Variants in ZNF780B observed in about 807,000 individuals in gnomAD.
ZNF780B encodes zinc finger protein 779.
ZNF780B carries 52 observed loss-of-function variants against 74.1 expected under a neutral mutation model. That is an observed-to-expected ratio of 0.70 (90% confidence interval 0.56 to 0.88). ZNF780B has a LOEUF of 0.88. ZNF780B is among the 40% of genes least tolerant of loss of function. The pLI is 0.00. For missense variants in ZNF780B, 953 were observed against 1,007.6 expected (o/e 0.95, Z 0.73); for synonymous variants, 315 against 324.3 (o/e 0.97, Z 0.31).
In ZNF780B at chr19:40,033,145, T is replaced by C. The variant is rs1972070079; in HGVS notation, c.*1212A>G. On this transcript the variant is annotated 3_prime_UTR_variant, in exon 5 of 5. Transcript: ENST00000434248. ...ATTACACTAGTAACAATTACACTAG[T>C]AATCAAAAAACACTGGTCACAGATC... The C allele has an allele frequency of 6.5e-6, 1 of 152,862 alleles. No homozygotes were observed. Among genetic ancestry groups the C allele is most frequent in the African/African-American group, 2.4e-5 (1 of 41,470 alleles). 9.5% of individuals were successfully genotyped at this position (152,862 alleles called of 1,614,324 possible).
rs944692000 is a variant in ZNF780B, at chr19:40,050,419, G to A, written c.-45-42C>T. 2.0e-6 allele frequency: 3 copies of A among 1,509,268 alleles called. No individual in the cohort carries two copies. In the African/African-American group the frequency reaches 4.1e-5, roughly 21 times the overall value. The allele number at this position is 1,509,268 out of a possible 1,614,324, so 93.5% of individuals were successfully genotyped here. A position where few individuals can be genotyped will look rare whatever the true frequency, so the allele number is the denominator to read the frequency against. ...ACAAAAAGGCCCTAAGTCAAGCTGT[G>A]TCCGAAAGCACTAGAACGAATAAAT... is the stretch of plus-strand genomic sequence containing the variant. On this transcript the variant is annotated intron_variant, in intron 1 of 4. Coordinates refer to ENST00000434248, the MANE Select transcript of ZNF780B (RefSeq NM_001005851.3).
chr19:40,028,984 C>T lies in ZNF780B; in HGVS notation c.*5373G>A, dbSNP rs1462846724. On this transcript the variant is annotated 3_prime_UTR_variant, in exon 5 of 5. Coordinates refer to ENST00000434248, the MANE Select transcript of ZNF780B (RefSeq NM_001005851.3). Reference sequence around the variant, plus strand: ...ATTCTAGATAGTCACAGCCAACTATCAATAAAAATTACTGGTTCTATAATC... The same window carrying T: ...ATTCTAGATAGTCACAGCCAACTATTAATAAAAATTACTGGTTCTATAATC... The T allele has an allele frequency of 6.6e-6, 1 of 152,172 alleles. No homozygotes were observed. The highest frequency in any genetic ancestry group is 1.5e-5 in the Non-Finnish European group (1 of 68,026). 9.4% of individuals were successfully genotyped at this position (152,172 alleles called of 1,614,324 possible). A position where few individuals can be genotyped will look rare whatever the true frequency, so the allele number is the denominator to read the frequency against.
At chr19:40,041,359 G>A (rs1972625899) in intron 4 of ZNF780B, among the ~76,000 whole-genome samples, 1 of 152,190 alleles carries the variant, frequency 6.6e-6, no homozygotes, top group Non-Finnish European at 1.5e-5. Context: ...GTGTGGTGTG[G>A]TGCTGAAAAG....
In ZNF780B at chr19:40,035,217, C is replaced by G. The variant is rs1400631506; in HGVS notation, c.1642G>C (p.Glu548Gln). The G allele has an allele frequency of 6.2e-7, 1 of 1,613,226 alleles. No homozygotes were observed. Among genetic ancestry groups the G allele is most frequent in the African/African-American group, 1.3e-5 (1 of 74,690 alleles). ...FRLHLQLSQH[E>Q]KTHTGEKPFE... The stretch of plus-strand genomic sequence containing the variant: ...GGTTTCTCACCTGTATGAGTTTTCT[C>G]ATGTTGAGAAAGTTGTAGGTGAAGT... Residue 548 changes from glutamate to glutamine, a missense_variant, in exon 5 of 5, where the codon GAG becomes CAG. By Grantham distance (29) the Glu-to-Gln change is conservative. Transcript: ENST00000434248.
intron 4 of ZNF780B, among the ~76,000 whole-genome samples, chr19:40,045,408 T>C (rs1179156736): frequency 2.6e-5 from 4 of 152,156 alleles, no homozygotes; most frequent in Non-Finnish European, 4.4e-5. Flanking sequence ...GAAAACAGCA[T>C]GCAGATTTCT....
At chr19:40,037,184 G>A (rs1451200500) in intron 4 of ZNF780B, among the ~76,000 whole-genome samples, 1 of 151,272 alleles carries the variant, frequency 6.6e-6, no homozygotes, top group Non-Finnish European at 1.5e-5. Flanking sequence ...CAAAGTGCTG[G>A]GATTACAGGT....
chr19:40,040,715 T>A (rs1171825902), intron 4 of ZNF780B, among the ~76,000 whole-genome samples: 3 of 152,218 alleles, frequency 2.0e-5, no homozygotes, highest in Admixed American at 6.5e-5. Context: ...TTTGTAGTAT[T>A]CTCTGATGGT....
chr19:40,044,630 A>G (rs116923422), intron 4 of ZNF780B, among the ~76,000 whole-genome samples: 68 of 152,370 alleles, frequency 4.5e-4, no homozygotes, highest in Non-Finnish European at 8.4e-4. Context: ...AGAGTCCTAC[A>G]CCTAGAAGTG....
chr19:40,047,514 A>T (rs761130654), intron 3 of ZNF780B, 44 bp from the exon 4 acceptor site: 7 of 1,444,056 alleles, frequency 4.8e-6, no homozygotes, highest in Non-Finnish European at 6.5e-6. Context: ...TTAATATAAA[A>T]ATTTTTTTTA....
chr19:40,041,932 A>G lies in ZNF780B; in HGVS notation c.233-5306T>C, dbSNP rs542459970. On this transcript the variant is annotated intron_variant, in intron 4 of 4. Transcript: ENST00000434248. Reference sequence around the variant, plus strand: ...TTTAAAGTTAATATTGTTATGTGTGAATTTGGTCCTGTAATTATGATGTTA... The same window carrying G: ...TTTAAAGTTAATATTGTTATGTGTGGATTTGGTCCTGTAATTATGATGTTA... Among the ~76,000 whole-genome samples the G allele has an allele frequency of 7.8e-3, 1,189 of 152,172 alleles. 6 individuals carry two copies. The highest frequency in any genetic ancestry group is 0.012 in the Non-Finnish European group (793 of 67,994).
In ZNF780B at chr19:40,035,511, A is replaced by C; in HGVS notation, c.1348T>G (p.Cys450Gly). ...TAATGATATCGAAAGGCCATCTCAC[A>C]TTCCCTACATACAAAGGGTTTCTCA... ...SNEKPFVCRE[C>G]EMAFRYHYQL... The change falls in exon 5 of 5, where the codon TGT (cysteine) becomes GGT (glycine). Residue 450 changes from cysteine (C) to glycine (G), a missense_variant. Physicochemically the swap from Cys to Gly is radical, Grantham distance 159. Transcript: ENST00000434248. 1 of 1,614,086 alleles carries C rather than the reference A, an allele frequency of 6.2e-7. No individual in the cohort carries two copies.
At chr19:40,050,517 CT>C in intron 1 of ZNF780B, 140 bp from the exon 2 acceptor site, 9 of 882,538 alleles carry the variant, frequency 1.0e-5, no homozygotes, top group East Asian at 2.7e-5. Flanking sequence ...CCGTCACTCC[CT>C]TTTTCCCTAC....
rs1032172283 is a variant in ZNF780B at position 40,034,098 on chromosome 19, A to T, written c.*259T>A. On this transcript the variant is annotated 3_prime_UTR_variant, in exon 5 of 5. Transcript: ENST00000434248. ...AGGCCTTTTCACATTCCTTACATTC[A>T]TAGGGTTTCTCATCAGTATGAATTT... 4 of 550,064 alleles carry T rather than the reference A, an allele frequency of 7.3e-6. No homozygotes were observed. In the Admixed American group the frequency reaches 1.1e-4, roughly 16 times the overall value. The allele number at this position is 550,064 out of a possible 1,614,324, so 34.1% of individuals were successfully genotyped here.
At chr19:40,037,091 T>G (rs1972373835) in intron 4 of ZNF780B, among the ~76,000 whole-genome samples, 1 of 152,016 alleles carries the variant, frequency 6.6e-6, no homozygotes. Context: ...ATTTTGGTAT[T>G]TTTAGTAGAG....
chr19:40,038,622 T>A (rs1014798651), intron 4 of ZNF780B, among the ~76,000 whole-genome samples: 1 of 150,968 alleles, frequency 6.6e-6, no homozygotes, highest in Non-Finnish European at 1.5e-5. Context: ...TGGTGTGAGA[T>A]GGTATCTCAT....
chr19:40,053,445 T>C (rs1237651053), intron 1 of ZNF780B, among the ~76,000 whole-genome samples: 1 of 152,148 alleles, frequency 6.6e-6, no homozygotes, highest in Non-Finnish European at 1.5e-5. Context: ...ATGTGAACCA[T>C]TGCACACTGT....
chr19:40,031,743 A>C lies in ZNF780B; in HGVS notation c.*2614T>G. On this transcript the variant is annotated 3_prime_UTR_variant, in exon 5 of 5. Coordinates refer to ENST00000434248, the MANE Select transcript of ZNF780B (RefSeq NM_001005851.3). The stretch of plus-strand genomic sequence containing the variant: ...CAAGTTGAATTATGTTGACGCTTTA[A>C]TGGCATTCATTTCTCAATAGTCTAT... 4.3e-6 allele frequency: 1 copy of C among 231,160 alleles called. No homozygotes were observed. Among genetic ancestry groups the C allele is most frequent in the Non-Finnish European group, 8.8e-6 (1 of 113,738 alleles). 14.3% of individuals were successfully genotyped at this position (231,160 alleles called of 1,614,324 possible).
chr19:40,040,317 T>C (rs1199278884), intron 4 of ZNF780B, among the ~76,000 whole-genome samples: 1 of 152,202 alleles, frequency 6.6e-6, no homozygotes, highest in Non-Finnish European at 1.5e-5. Context: ...TTTGCCAGTA[T>C]TTTATTGAGG....
intron 4 of ZNF780B, among the ~76,000 whole-genome samples, chr19:40,040,599 G>T (rs1972589653): frequency 6.6e-6 from 1 of 152,148 alleles, no homozygotes; most frequent in African/African-American, 2.4e-5. Flanking sequence ...CCTGTTATTG[G>T]TCTATTCAGA....
Sources: gnomAD v4.1 joint callset for allele counts (sites outside exome capture counted in the v4.1 genomes callset) on GRCh38, gnomAD v4.1.1 for gene constraint, MANE v1.5 for transcripts, NCBI Gene and HGNC (gene_info 2026-07-23, HGNC 2026-07-21) for gene names.